DRC11: variants seen among roughly 807,000 people sequenced by gnomAD.
The protein encoded by DRC11 is dynein regulatory complex subunit 11.
chr2:236,408,720 A>G, the DRC11 span: 1 of 708,226 alleles, frequency 1.4e-6, no homozygotes, highest in Non-Finnish European at 2.6e-6. This position sits in a 1 kb window ranked among gnomAD's most constrained non-coding sequence, Gnocchi z 5.5. Context: ...GTTGTTAGAG[A>G]AGTGCTTTTT....
chr2:236,406,185 C>T, the DRC11 span, among the ~76,000 whole-genome samples: 7 of 152,158 alleles, frequency 4.6e-5, no homozygotes, highest in Admixed American at 4.6e-4. The surrounding 1 kb of genome is among the most constrained non-coding windows in gnomAD (Gnocchi z 4.7). Context: ...GCAAATGTTT[C>T]CAGAAGAGGC....
the DRC11 span, chr2:236,380,585 C>G: frequency 6.4e-7 from 1 of 1,551,652 alleles, no homozygotes; most frequent in Non-Finnish European, 8.7e-7. This position sits in a 1 kb window ranked among gnomAD's most constrained non-coding sequence, Gnocchi z 4.9. Context: ...GCTGTCAGAT[C>G]TTTATCCTTC....
the DRC11 span, among the ~76,000 whole-genome samples, chr2:236,357,533 A>T: frequency 1.6e-5 from 2 of 127,416 alleles, no homozygotes; most frequent in Non-Finnish European, 3.1e-5. Flanking sequence ...TATATTATGA[A>T]TATAATTTAT....
chr2:236,487,386 C>A, the DRC11 span, among the ~76,000 whole-genome samples: 1 of 152,178 alleles, frequency 6.6e-6, no homozygotes, highest in South Asian at 2.1e-4. Context: ...AAATTAGGGA[C>A]AGAGTCCTCA....
At chr2:236,309,423 C>A in the DRC11 span, among the ~76,000 whole-genome samples, 1 of 152,128 alleles carries the variant, frequency 6.6e-6, no homozygotes, top group Non-Finnish European at 1.5e-5. This position sits in a 1 kb window ranked among gnomAD's most constrained non-coding sequence, Gnocchi z 5.7. Flanking sequence ...CCCGTTTACT[C>A]ACAGAGACAT....
chr2:236,423,448 A>G, the DRC11 span, among the ~76,000 whole-genome samples: 1 of 152,260 alleles, frequency 6.6e-6, no homozygotes, highest in African/African-American at 2.4e-5. Flanking sequence ...ACACATGAAA[A>G]CATGCTCATC....
At chr2:236,356,761 T>A in the DRC11 span, among the ~76,000 whole-genome samples, 3 of 151,658 alleles carry the variant, frequency 2.0e-5, no homozygotes, top group Non-Finnish European at 4.4e-5. Flanking sequence ...TTATACAGAC[T>A]CAAGGAGACT....
the DRC11 span, among the ~76,000 whole-genome samples, chr2:236,400,592 C>G: frequency 1.3e-5 from 2 of 152,248 alleles, no homozygotes; most frequent in African/African-American, 4.8e-5. This position sits in a 1 kb window ranked among gnomAD's most constrained non-coding sequence, Gnocchi z 7.9. Context: ...AGGAACAACG[C>G]TGGCCTCCAT....
At chr2:236,373,495 C>G in the DRC11 span, among the ~76,000 whole-genome samples, 12 of 152,162 alleles carry the variant, frequency 7.9e-5, no homozygotes, top group Non-Finnish European at 1.3e-4. Flanking sequence ...CAATGATCCG[C>G]CCACCTCAGT....
At chr2:236,373,473 A>G in the DRC11 span, among the ~76,000 whole-genome samples, 1 of 151,730 alleles carries the variant, frequency 6.6e-6, no homozygotes, top group African/African-American at 2.4e-5. Flanking sequence ...CTGGTCTGGA[A>G]CTCCTGACCT....
the DRC11 span, chr2:236,368,175 G>A: frequency 1.8e-5 from 26 of 1,466,538 alleles, no homozygotes; most frequent in African/African-American, 4.2e-5. Context: ...AGGCACATCC[G>A]CGCACGCCGA....
At chr2:236,471,912 A>G in the DRC11 span, among the ~76,000 whole-genome samples, 1 of 152,202 alleles carries the variant, frequency 6.6e-6, no homozygotes, top group Non-Finnish European at 1.5e-5. The surrounding 1 kb of genome is among the most constrained non-coding windows in gnomAD (Gnocchi z 4.6). Flanking sequence ...ATGTAGACAA[A>G]AGATTCCTGG....
chr2:236,494,806 T>C, the DRC11 span, among the ~76,000 whole-genome samples: 2 of 152,124 alleles, frequency 1.3e-5, no homozygotes, highest in Non-Finnish European at 2.9e-5. This position sits in a 1 kb window ranked among gnomAD's most constrained non-coding sequence, Gnocchi z 4.2. Context: ...GAGGTGACAA[T>C]GTCTTTTGAA....
chr2:236,344,346 A>G, the DRC11 span, among the ~76,000 whole-genome samples: 1 of 152,202 alleles, frequency 6.6e-6, no homozygotes, highest in Non-Finnish European at 1.5e-5. Flanking sequence ...TTTCTTCCAC[A>G]CTTTCTTTCC....
At chr2:236,479,495 T>A in the DRC11 span, among the ~76,000 whole-genome samples, 1 of 152,214 alleles carries the variant, frequency 6.6e-6, no homozygotes, top group African/African-American at 2.4e-5. This position sits in a 1 kb window ranked among gnomAD's most constrained non-coding sequence, Gnocchi z 4.1. Flanking sequence ...ATTTTTAGTA[T>A]ATCTATCATA....
At chr2:236,501,214 C>T in the DRC11 span, among the ~76,000 whole-genome samples, 7 of 152,064 alleles carry the variant, frequency 4.6e-5, no homozygotes, top group Non-Finnish European at 5.9e-5. Context: ...CATGATAACT[C>T]ACTATCAAGA....
At chr2:236,492,489 C>A in the DRC11 span, among the ~76,000 whole-genome samples, 1 of 152,196 alleles carries the variant, frequency 6.6e-6, no homozygotes, top group Non-Finnish European at 1.5e-5. Context: ...GCTGGCAATA[C>A]CCAATGAGGG....
At chr2:236,498,938 T>C in the DRC11 span, among the ~76,000 whole-genome samples, 4,414 of 152,274 alleles carry the variant, frequency 0.029, 213 homozygotes, top group African/African-American at 0.1. Flanking sequence ...GGGAAGGAGC[T>C]TCACTGTAGA....
At chr2:236,349,797 G>T in the DRC11 span, among the ~76,000 whole-genome samples, 2 of 152,252 alleles carry the variant, frequency 1.3e-5, no homozygotes, top group Admixed American at 6.5e-5. The surrounding 1 kb of genome is among the most constrained non-coding windows in gnomAD (Gnocchi z 5.5). Flanking sequence ...CCTGGGCGAT[G>T]AAATAATCTA....
Sources: allele counts gnomAD v4.1 joint callset (sites outside exome capture counted in the v4.1 genomes callset), GRCh38; gene constraint gnomAD v4.1.1; non-coding constraint Gnocchi (gnomAD v3.1); transcripts MANE v1.5; gene names NCBI Gene and HGNC (gene_info 2026-07-23, HGNC 2026-07-21).